The following SUMF1 variants were observed in gnomAD, a reference collection of about 807,000 sequenced individuals.
The protein encoded by SUMF1 is sulfatase modifying factor 1.
Under a neutral mutation model 47.6 loss-of-function variants are expected in SUMF1, and 48 were observed. That is an observed-to-expected ratio of 1.01 (90% CI 0.80 to 1.28). The LOEUF is 1.28. SUMF1 is among the 50% of genes most tolerant of loss of function. The probability of loss-of-function intolerance (pLI) is 0.00; values close to 1 mark genes in which losing one functional copy is unlikely to be tolerated. For synonymous variants in SUMF1, 230 were observed against 192.1 expected, an observed-to-expected ratio of 1.20 and a Z score of -1.63; for missense variants, 571 against 485.4, an observed-to-expected ratio of 1.18 and a Z score of -1.66.
intron 9 of SUMF1, among the ~76,000 whole-genome samples, chr3:4,039,208 A>ATTTTTT (rs1213784165): frequency 0.011 from 495 of 45,978 alleles, 25 homozygotes; most frequent in East Asian, 0.045. Context: ...CATCTATGCA[A>ATTTTTT]ATTTTTTTTT....
intron 9 of SUMF1, among the ~76,000 whole-genome samples, chr3:4,050,371 T>C (rs1285326134): frequency 6.6e-6 from 1 of 152,076 alleles, no homozygotes; most frequent in Non-Finnish European, 1.5e-5. Context: ...CCTAGACTTT[T>C]GAGCAGTTGC....
At chr3:4,411,471 T>A (rs149298107) in intron 6 of SUMF1, among the ~76,000 whole-genome samples, 189 of 152,252 alleles carry the variant, frequency 1.2e-3, no homozygotes, top group African/African-American at 4.3e-3. Context: ...TCATCTTACC[T>A]TAAGCCTCAA....
chr3:4,062,802 A>G (rs1695297958), intron 9 of SUMF1, among the ~76,000 whole-genome samples: 1 of 152,168 alleles, frequency 6.6e-6, no homozygotes, highest in South Asian at 2.1e-4. Context: ...GGAGATGTAC[A>G]GCAATTCTAG....
intron 8 of SUMF1, chr3:4,317,241 G>A: frequency 6.5e-7 from 1 of 1,530,418 alleles, no homozygotes; most frequent in Non-Finnish European, 8.8e-7. Flanking sequence ...TTCCTATTTT[G>A]ATTAATAAAA....
chr3:4,323,637 G>C (rs1046260318), intron 8 of SUMF1, among the ~76,000 whole-genome samples: 1 of 152,082 alleles, frequency 6.6e-6, no homozygotes, highest in Admixed American at 6.6e-5. Flanking sequence ...ACAACCACCT[G>C]GTACCTCTGG....
chr3:4,246,111 G>A (rs1375549957), intron 8 of SUMF1, among the ~76,000 whole-genome samples: 1 of 152,172 alleles, frequency 6.6e-6, no homozygotes, highest in Non-Finnish European at 1.5e-5. Flanking sequence ...TGAAGAACAT[G>A]AGAAAAGTGC....
At chr3:4,279,133 C>A (rs896322426) in intron 8 of SUMF1, among the ~76,000 whole-genome samples, 2 of 152,022 alleles carry the variant, frequency 1.3e-5, no homozygotes, top group Admixed American at 1.3e-4. Flanking sequence ...CTAATGCAAC[C>A]CTGCATGACT....
intron 8 of SUMF1, among the ~76,000 whole-genome samples, chr3:4,171,381 T>G (rs1694829301): frequency 6.6e-6 from 1 of 152,052 alleles, no homozygotes; most frequent in African/African-American, 2.4e-5. Context: ...TAAATTAACT[T>G]TTTGAGGTGG....
At chr3:4,072,709 C>T (rs1053302523) in intron 8 of SUMF1, among the ~76,000 whole-genome samples, 4 of 151,894 alleles carry the variant, frequency 2.6e-5, no homozygotes, top group African/African-American at 7.3e-5. Context: ...ATAGCTGATT[C>T]GATCAAGCAG....
chr3:4,329,332 C>A (rs143027235), intron 8 of SUMF1, among the ~76,000 whole-genome samples: 1 of 152,196 alleles, frequency 6.6e-6, no homozygotes, highest in African/African-American at 2.4e-5. Flanking sequence ...AGGGCTCTGC[C>A]CCTGCAGCAT....
intron 9 of SUMF1, among the ~76,000 whole-genome samples, chr3:4,051,976 T>C (rs539581473): frequency 1.3e-5 from 2 of 152,218 alleles, no homozygotes; most frequent in East Asian, 3.9e-4. Context: ...TCAAAATGGT[T>C]TTGGTTCTCT....
chr3:4,064,604 A>G (rs1695338382), intron 9 of SUMF1, among the ~76,000 whole-genome samples: 1 of 152,106 alleles, frequency 6.6e-6, no homozygotes, highest in Non-Finnish European at 1.5e-5. Flanking sequence ...ACTCACCCCA[A>G]ATACTTTCTT....
intron 3 of SUMF1, among the ~76,000 whole-genome samples, chr3:4,445,110 T>C (rs995112917): frequency 1.3e-5 from 2 of 152,190 alleles, no homozygotes; most frequent in Non-Finnish European, 1.5e-5. Context: ...ATTGTAATGA[T>C]ATAGATAAAT....
At chr3:4,456,771 C>CATATAT (rs2079633205) in intron 1 of SUMF1, among the ~76,000 whole-genome samples, 1 of 7,424 alleles carries the variant, frequency 1.3e-4, no homozygotes, top group Non-Finnish European at 3.1e-4. Flanking sequence ...TGTATATATA[C>CATATAT]ACATATATAC....
At chr3:4,277,313 C>G (rs529612140) in intron 8 of SUMF1, among the ~76,000 whole-genome samples, 1 of 152,068 alleles carries the variant, frequency 6.6e-6, no homozygotes, top group Admixed American at 6.6e-5. Context: ...TCCCAAAAGC[C>G]TGGTGTTCTT....
chr3:4,301,229 G>C (rs1053321789), intron 8 of SUMF1, among the ~76,000 whole-genome samples: 10 of 152,174 alleles, frequency 6.6e-5, no homozygotes, highest in Admixed American at 1.3e-4. Context: ...GGAGATACAA[G>C]AACAATGTGG....
chr3:4,215,731 G>A (rs992968838), intron 8 of SUMF1, among the ~76,000 whole-genome samples: 4 of 152,086 alleles, frequency 2.6e-5, no homozygotes, highest in African/African-American at 9.7e-5. Context: ...AAAATCACAA[G>A]CATTCCTATA....
chr3:4,274,945 G>T (rs1193355677), intron 8 of SUMF1, among the ~76,000 whole-genome samples: 1 of 152,102 alleles, frequency 6.6e-6, no homozygotes, highest in Non-Finnish European at 1.5e-5. Context: ...AAAGGAAAAA[G>T]TCCAAATGTC....
chr3:4,359,120 A>G (rs1026841920), downstream of SUMF1, among the ~76,000 whole-genome samples: 3 of 152,196 alleles, frequency 2.0e-5, no homozygotes, highest in Admixed American at 2.0e-4. Flanking sequence ...TATGGCATTC[A>G]AACCGAACTT....
Sources: allele counts gnomAD v4.1 joint callset (sites outside exome capture counted in the v4.1 genomes callset), GRCh38; gene constraint gnomAD v4.1.1; transcripts MANE v1.5; gene names NCBI Gene and HGNC (gene_info 2026-07-23, HGNC 2026-07-21).